Variants in APOBEC3G observed in about 807,000 individuals in gnomAD.
APOBEC3G encodes the protein DNA dC->dU-editing enzyme APOBEC-3G.
APOBEC3G carries 44 observed loss-of-function variants against 50.0 expected under a neutral mutation model. The ratio of observed to expected loss-of-function variants is 0.88; its 90% confidence interval spans 0.69 to 1.13. The LOEUF is 1.13. Ranked by LOEUF, APOBEC3G falls within the 50% of genes most tolerant of loss-of-function variation. The pLI is 0.00. For missense variants in APOBEC3G, 469 were observed against 492.0 expected, an observed-to-expected ratio of 0.95 and a Z score of 0.44; for synonymous variants, 156 against 175.3, an observed-to-expected ratio of 0.89 and a Z score of 0.87.
chr22:39,086,189 A>G lies in APOBEC3G; in HGVS notation c.736-90A>G, dbSNP rs1050398353. ...TGTGGTGGTGCATGCCTGTAATCCT[A>G]GCTACTTGTACACTCCAGCCTGGGC... On this transcript the variant is annotated intron_variant, in intron 5 of 7. Transcript: ENST00000407997. 30 of 1,408,854 alleles carry G rather than the reference A, an allele frequency of 2.1e-5. No homozygotes were observed. The Admixed American group carries it at 4.4e-4, about 21-fold the overall frequency. The allele number at this position is 1,408,854 out of a possible 1,614,324, so 87.3% of individuals were successfully genotyped here.
intron 1 of APOBEC3G, among the ~76,000 whole-genome samples, chr22:39,077,585 C>A (rs773422631): frequency 1.3e-5 from 2 of 152,094 alleles, no homozygotes; most frequent in African/African-American, 2.4e-5. Context: ...GCCGCCTCCC[C>A]CATCTGTCCC....
intron 5 of APOBEC3G, among the ~76,000 whole-genome samples, chr22:39,085,429 G>C (rs1283246231): frequency 6.6e-6 from 1 of 152,178 alleles, no homozygotes; most frequent in African/African-American, 2.4e-5. Flanking sequence ...CAGCTCAGTG[G>C]CATCTGTCCT....
chr22:39,086,712 T>C, intron 6 of APOBEC3G, 145 bp downstream of exon 6: 1 of 1,251,502 alleles, frequency 8.0e-7, no homozygotes, highest in Non-Finnish European at 1.1e-6. Flanking sequence ...ACTCTGGACC[T>C]GACTTTGGGG....
chr22:39,086,622 G>C lies in APOBEC3G; in HGVS notation c.1024+55G>C. 3.3e-6 allele frequency: 5 copies of C among 1,531,104 alleles called. No individual in the cohort carries two copies. In the East Asian group the frequency reaches 1.1e-4, roughly 35 times the overall value. 94.8% of individuals were successfully genotyped at this position (1,531,104 alleles called of 1,614,324 possible). A position where few individuals can be genotyped will look rare whatever the true frequency, so the allele number is the denominator to read the frequency against. On this transcript the variant is annotated intron_variant, in intron 6 of 7. Transcript: ENST00000407997. ...GTCAGCCAGGGCAGGAGAGGGCCCC[G>C]GGAAGTTACTAGAAAGTGGGGAGGG...
At chr22:39,080,872 C>G in intron 2 of APOBEC3G, 61 bp from the exon 3 acceptor site, 1 of 1,357,358 alleles carries the variant, frequency 7.4e-7, no homozygotes, top group South Asian at 1.4e-5. Context: ...CCCCCTGCCC[C>G]ACCCCTGCTC....
chr22:39,083,793 G>C lies in APOBEC3G; in HGVS notation c.644G>C (p.Arg215Pro), dbSNP rs1195105163. 6.2e-7 allele frequency: 1 copy of C among 1,613,826 alleles called. No homozygotes were observed. Among genetic ancestry groups the C allele is most frequent in the South Asian group, 1.1e-5 (1 of 91,068 alleles). ...NFNNEPWVRG[R>P]HETYLCYEVE... ...AACAATGAACCTTGGGTCAGAGGAC[G>C]GCATGAGACTTACCTGTGTTATGAG... Residue 215 changes from arginine to proline, a missense_variant, in exon 5 of 8, where the codon CGG (arginine) becomes CCG (proline). Transcript: ENST00000407997.
rs1489609122 is a variant in APOBEC3G, at chr22:39,086,464, G to A, written c.921G>A (p.Leu307=). The A allele has an allele frequency of 6.2e-7, 1 of 1,614,196 alleles. No individual in the cohort carries two copies. The highest frequency in any genetic ancestry group is 1.7e-5 in the Admixed American group (1 of 60,014). ...TTTCAAAAAACAAACACGTGAGCCT[G>A]TGCATCTTCACTGCCCGCATCTATG... The part of the protein sequence containing the change: ...KFISKNKHVS[L]CIFTARIYDD... Residue 307 remains leucine (L), a synonymous_variant, in exon 6 of 8, where the codon CTG becomes CTA. Transcript: ENST00000407997.
chr22:39,085,708 G>T (rs1335980494), intron 5 of APOBEC3G, among the ~76,000 whole-genome samples: 5 of 151,872 alleles, frequency 3.3e-5, no homozygotes, highest in African/African-American at 1.2e-4. Flanking sequence ...CCAATATGGT[G>T]AAACCCCGTC....
chr22:39,083,553 G>A (rs1386107683), intron 4 of APOBEC3G, among the ~76,000 whole-genome samples, 178 bp from the exon 5 acceptor site: 1 of 152,206 alleles, frequency 6.6e-6, no homozygotes, highest in Admixed American at 6.5e-5. Context: ...GGGTCAGAGG[G>A]GGAGGTTTGG....
In APOBEC3G at chr22:39,079,074, T is replaced by G; in HGVS notation, c.160T>G (p.Phe54Val). The change falls in exon 2 of 8, where the codon TTT (phenylalanine) becomes GTT (valine). Residue 54 changes from phenylalanine (F) to valine (V), a missense_variant. Transcript: ENST00000407997. ...PSRPPLDAKI[F>V]RGQVYSELKY... ...AAGGCCCCCTTTGGACGCAAAGATC[T>G]TTCGAGGCCAGGTACCACCCGGACT... The G allele has an allele frequency of 6.2e-7, 1 of 1,614,100 alleles. No individual in the cohort carries two copies. The highest frequency in any genetic ancestry group is 8.5e-7 in the Non-Finnish European group (1 of 1,179,978).
Position 39,077,282 on chromosome 22 carries a change from C to G in APOBEC3G, c.-80C>G. ...GGGAGGTCACTTTAGGGAGGGCTGT[C>G]CTAAAACCAGAAGCTTGGAGCAGAA... is the stretch of plus-strand genomic sequence containing the variant. On this transcript the variant is annotated 5_prime_UTR_variant, in exon 1 of 8. Transcript: ENST00000407997. The G allele has an allele frequency of 6.4e-7, 1 of 1,552,246 alleles. No homozygotes were observed. Among genetic ancestry groups the G allele is most frequent in the East Asian group, 2.4e-5 (1 of 41,066 alleles).
At position 39,078,970 on chromosome 22, in the gene APOBEC3G, A is replaced by G. The variant is rs1461845112; in HGVS notation, c.56A>G (p.Tyr19Cys). Residue 19 changes from tyrosine to cysteine, a missense_variant, in exon 2 of 8, where the codon TAC (tyrosine) becomes TGC (cysteine). By Grantham distance (194) the Tyr-to-Cys change is radical. Transcript: ENST00000407997. ...CGAATGTATCGAGACACATTCTCCT[A>G]CAACTTTTATAATAGACCCATCCTT... is the stretch of plus-strand genomic sequence containing the variant. ...VERMYRDTFS[Y>C]NFYNRPILSR... 6.2e-6 allele frequency: 10 copies of G among 1,614,116 alleles called. No homozygotes were observed. The highest frequency in any genetic ancestry group is 8.5e-6 in the Non-Finnish European group (10 of 1,179,984).
upstream of APOBEC3G, chr22:39,077,054 G>GC (rs1164458155): frequency 1.9e-6 from 1 of 531,712 alleles, no homozygotes; most frequent in Non-Finnish European, 3.4e-6. Context: ...GGCGCTGGCT[G>GC]CAATGACTTT....
At position 39,087,644 on chromosome 22, in the gene APOBEC3G, G is replaced by A. The variant is rs941445681; in HGVS notation, c.*223G>A. On this transcript the variant is annotated 3_prime_UTR_variant, in exon 8 of 8. Coordinates refer to ENST00000407997, the MANE Select transcript of APOBEC3G (RefSeq NM_021822.4). ...ATTTCAAGAATAAAGTACTAAGATTGTGCTCAATACACAGAAAAGTTTCAA... is the reference window on the plus strand; with the variant it reads ...ATTTCAAGAATAAAGTACTAAGATTATGCTCAATACACAGAAAAGTTTCAA... The A allele has an allele frequency of 3.3e-5, 30 of 917,850 alleles. No homozygotes were observed. Among genetic ancestry groups the A allele is most frequent in the Admixed American group, 9.1e-5 (3 of 32,938 alleles). 56.9% of individuals were successfully genotyped at this position (917,850 alleles called of 1,614,324 possible). A position where few individuals can be genotyped will look rare whatever the true frequency, so the allele number is the denominator to read the frequency against.
intron 4 of APOBEC3G, 112 bp from the exon 5 acceptor site, chr22:39,083,619 G>A: frequency 7.7e-7 from 1 of 1,305,646 alleles, no homozygotes; most frequent in Non-Finnish European, 1.1e-6. Context: ...GATGTGGGGA[G>A]CCGGGGGAAG....
At chr22:39,077,444 G>A in intron 1 of APOBEC3G, 66 bp downstream of exon 1, 1 of 1,558,052 alleles carries the variant, frequency 6.4e-7, no homozygotes. Context: ...GCTCTGCTGG[G>A]CGTCAGCCCT....
In APOBEC3G at chr22:39,087,021, C is replaced by T; in HGVS notation, c.1035C>T (p.His345=). The part of the protein sequence containing the change: ...ISIMTYSEFK[H]CWDTFVDHQG... ...CCTGTCCCTTTTCAGAATTTAAGCA[C>T]TGCTGGGACACCTTTGTGGACCACC... Residue 345 remains histidine (H), a synonymous_variant, in exon 7 of 8, where the codon CAC becomes CAT. Transcript: ENST00000407997. 1 of 1,608,760 alleles carries T rather than the reference C, an allele frequency of 6.2e-7. No individual in the cohort carries two copies. Among genetic ancestry groups the T allele is most frequent in the Non-Finnish European group, 8.5e-7 (1 of 1,176,920 alleles).
At chr22:39,077,625 T>G (rs991423088) in intron 1 of APOBEC3G, among the ~76,000 whole-genome samples, 3 of 152,010 alleles carry the variant, frequency 2.0e-5, no homozygotes, top group African/African-American at 7.2e-5. Flanking sequence ...GACTCTCCCC[T>G]GAAAGTCATG....
chr22:39,081,425 A>G, intron 3 of APOBEC3G, 46 bp from the exon 4 acceptor site: 3 of 1,595,056 alleles, frequency 1.9e-6, no homozygotes, highest in Non-Finnish European at 2.6e-6. Flanking sequence ...AGGTCACAGA[A>G]GAGAGGCCAG....
Sources: gnomAD v4.1 joint callset for allele counts (sites outside exome capture counted in the v4.1 genomes callset) on GRCh38, gnomAD v4.1.1 for gene constraint, MANE v1.5 for transcripts, NCBI Gene and HGNC (gene_info 2026-07-23, HGNC 2026-07-21) for gene names.